Variants in ZNF880 observed in about 807,000 individuals in gnomAD.
ZNF880 encodes zinc finger protein LOC400713.
Under a neutral mutation model 11.8 loss-of-function variants are expected in ZNF880, and 12 were observed. The ratio of observed to expected loss-of-function variants is 1.02; its 90% confidence interval spans 0.65 to 1.65. ZNF880 has a LOEUF of 1.65. ZNF880 is among the 40% of genes most tolerant of loss of function. The pLI is 0.00. For missense variants in ZNF880, 601 were observed against 673.9 expected (o/e 0.89, Z 1.20); for synonymous variants, 210 against 232.4 (o/e 0.90, Z 0.88).
At chr19:52,367,584 TAAAAC>T (rs1986171765), upstream of ZNF880, 1 of 123,570 alleles carries the variant, frequency 8.1e-6, no homozygotes, top group Non-Finnish European at 1.7e-5. Flanking sequence ...GTGTGAGACA[TAAAAC>T]AACATACGCT....
intron 3 of ZNF880, chr19:52,379,890 C>G (rs1051779267): frequency 7.7e-6 from 1 of 129,552 alleles, no homozygotes; most frequent in South Asian, 3.0e-4. Context: ...AAATGTCATA[C>G]TTATTTTTTT....
rs755527750 is a variant in ZNF880, at chr19:52,384,613, A to G, written c.1033A>G (p.Ile345Val). 50 of 1,612,676 alleles carry G rather than the reference A, an allele frequency of 3.1e-5. No individual in the cohort carries two copies. In the South Asian group the frequency reaches 4.8e-4, roughly 16 times the overall value. The stretch of plus-strand genomic sequence containing the variant: ...TTCAGGCCTTACTGCTCATCTTGTA[A>G]TTCACACTGGAGAGAAACTTTACAA... ...GGSGLTAHLVIHTGEKLYKCN... is the reference protein window; with the variant it reads ...GGSGLTAHLVVHTGEKLYKCN... Residue 345 changes from isoleucine (I) to valine (V), a missense_variant, in exon 4 of 4, where the codon ATT (isoleucine) becomes GTT (valine). Physicochemically the swap from Ile to Val is conservative, Grantham distance 29 (BLOSUM62 3). Coordinates refer to ENST00000422689, the MANE Select transcript of ZNF880 (RefSeq NM_001145434.2).
In ZNF880 at chr19:52,384,634, TACAAATGTAATAA is replaced by T. The variant is rs1175415920; in HGVS notation, c.1056_1068del (p.Lys353ValfsTer39). The stretch of plus-strand genomic sequence containing the variant: ...TGTAATTCACACTGGAGAGAAACTT[TACAAATGTAATAA>T]ATGTGGCAAGGTCTTCAATCGAAAT... On this transcript the variant is annotated frameshift_variant, in exon 4 of 4. Transcript: ENST00000422689. LOFTEE classifies it low-confidence loss of function (END_TRUNC). 6.2e-7 allele frequency: 1 copy of T among 1,612,250 alleles called. No homozygotes were observed.
chr19:52,385,800 A>T (rs1986868901), downstream of ZNF880: 1 of 149,096 alleles, frequency 6.7e-6, no homozygotes, highest in African/African-American at 2.7e-5. Context: ...TGAAAAGGCT[A>T]CTTTACATTT....
At chr19:52,377,440 A>G (rs1371593354) in intron 3 of ZNF880, among the ~76,000 whole-genome samples, 1 of 152,282 alleles carries the variant, frequency 6.6e-6, no homozygotes, top group African/African-American at 2.4e-5. Context: ...TTCAGTGGCC[A>G]TCTAATAGTT....
chr19:52,376,910 G>T (rs1387847329), intron 3 of ZNF880, among the ~76,000 whole-genome samples: 1 of 152,044 alleles, frequency 6.6e-6, no homozygotes, highest in African/African-American at 2.4e-5. Context: ...TACATAGTTT[G>T]CAAAGATTTT....
At chr19:52,387,614 A>C (rs1599793082), downstream of ZNF880, among the ~76,000 whole-genome samples, 1 of 141,798 alleles carries the variant, frequency 7.1e-6, no homozygotes, top group African/African-American at 2.8e-5. Context: ...ACGCCCAGCT[A>C]ATTTTTTGTA....
intron 2 of ZNF880, among the ~76,000 whole-genome samples, chr19:52,373,918 C>T (rs1986473094): frequency 6.6e-6 from 1 of 151,566 alleles, no homozygotes; most frequent in Admixed American, 6.6e-5. Flanking sequence ...ATCCGCCCAC[C>T]TCGGCCTCCC....
At chr19:52,391,136 G>A in the ZNF880 span, 1 of 152,736 alleles carries the variant, frequency 6.5e-6, no homozygotes, top group African/African-American at 2.4e-5. Flanking sequence ...TGGAGAGTTG[G>A]GGAGAGAAGG....
chr19:52,381,914 G>T (rs1021064687), intron 3 of ZNF880, among the ~76,000 whole-genome samples: 1 of 151,950 alleles, frequency 6.6e-6, no homozygotes, highest in Non-Finnish European at 1.5e-5. Context: ...ATATGTTATG[G>T]TCCCATTAAC....
the ZNF880 span, chr19:52,396,302 A>G: frequency 1.3e-5 from 2 of 152,082 alleles, no homozygotes; most frequent in African/African-American, 4.8e-5. Flanking sequence ...TAGTCCATTT[A>G]CATGTGCACT....
At position 52,371,722 on chromosome 19, in the gene ZNF880, G is replaced by A. The variant is rs546045814; in HGVS notation, c.13-1389G>A. On this transcript the variant is annotated intron_variant, in intron 1 of 3. Transcript: ENST00000422689. ...AATGCCCAGACTCCTGGGATCTGGCGCTTACTCTGCCATTTTTAGCCTTCA... is the reference window on the plus strand; with the variant it reads ...AATGCCCAGACTCCTGGGATCTGGCACTTACTCTGCCATTTTTAGCCTTCA... Among the ~76,000 whole-genome samples, 62 of 152,180 alleles carry A rather than the reference G, an allele frequency of 4.1e-4. 1 individual carries two copies. In the South Asian group the frequency reaches 0.012, roughly 29 times the overall value.
chr19:52,379,571 T>G (rs10445585), intron 3 of ZNF880: 1 of 366,424 alleles, frequency 2.7e-6, no homozygotes, highest in South Asian at 2.0e-5. Context: ...TCATTTTTAA[T>G]TTTTTTAGAG....
chr19:52,370,845 G>A (rs541340668), intron 1 of ZNF880, among the ~76,000 whole-genome samples: 6 of 152,322 alleles, frequency 3.9e-5, no homozygotes, highest in Admixed American at 1.3e-4. Flanking sequence ...GTTACTCGGA[G>A]AGGGTGTCAT....
At chr19:52,371,598 A>G (rs1179186844) in intron 1 of ZNF880, among the ~76,000 whole-genome samples, 2 of 151,432 alleles carry the variant, frequency 1.3e-5, no homozygotes, top group African/African-American at 2.4e-5. Flanking sequence ...CTGGTCTTCA[A>G]CTCCTGACCT....
At chr19:52,369,828 A>G, upstream of ZNF880, 1 of 1,153,736 alleles carries the variant, frequency 8.7e-7, no homozygotes, top group African/African-American at 1.5e-5. Context: ...TCTAGCCTCC[A>G]AAACGAGACG....
the ZNF880 span, among the ~76,000 whole-genome samples, chr19:52,393,889 T>C: frequency 5.9e-5 from 8 of 135,856 alleles, no homozygotes; most frequent in South Asian, 2.6e-4. Flanking sequence ...CAGGCTGGAG[T>C]GCAGTGGCGC....
rs78555351 is a variant in ZNF880 at position 52,384,657 on chromosome 19, G to C, written c.1077G>C (p.Lys359Asn). ...TTTACAAATGTAATAAATGTGGCAA[G>C]GTCTTCAATCGAAATGCACACCTTA... is the stretch of plus-strand genomic sequence containing the variant. Reference protein sequence around the residue: ...EKLYKCNKCGKVFNRNAHLTR... With the variant: ...EKLYKCNKCGNVFNRNAHLTR... Residue 359 changes from lysine to asparagine, a missense_variant, in exon 4 of 4, where the codon AAG (lysine) becomes AAC (asparagine). By Grantham distance (94) the Lys-to-Asn change is moderately conservative (BLOSUM62 0). This residue lies in a region of ZNF880 where 420 missense variants were observed against 442.6 expected (regional missense o/e 0.95). Coordinates refer to ENST00000422689, the MANE Select transcript of ZNF880 (RefSeq NM_001145434.2). 1 of 1,611,196 alleles carries C rather than the reference G, an allele frequency of 6.2e-7. No homozygotes were observed. Among genetic ancestry groups the C allele is most frequent in the Non-Finnish European group, 8.5e-7 (1 of 1,178,618 alleles).
chr19:52,393,858 A>G, the ZNF880 span, among the ~76,000 whole-genome samples: 76 of 92,556 alleles, frequency 8.2e-4, no homozygotes, highest in African/African-American at 2.3e-3. Context: ...TTTTTTTGAG[A>G]CGGAGTCTTG....
Sources: gnomAD v4.1 joint callset for allele counts (sites outside exome capture counted in the v4.1 genomes callset) on GRCh38, gnomAD v4.1.1 for gene constraint, gnomAD v4.1.1 regional missense constraint, MANE v1.5 for transcripts, NCBI Gene and HGNC (gene_info 2026-07-23, HGNC 2026-07-21) for gene names.